Variants in FGF1 observed in about 807,000 individuals in gnomAD.
FGF1 encodes beta-endothelial cell growth factor.
A neutral mutation model predicts 13.4 loss-of-function variants in FGF1; 9 were observed. The ratio of observed to expected loss-of-function variants is 0.67; its 90% CI spans 0.40 to 1.17. The LOEUF (loss-of-function observed/expected upper bound fraction) is 1.17. Ranked by LOEUF, FGF1 falls within the 50% of genes most tolerant of loss-of-function variation. FGF1 has a pLI of 0.01. For synonymous variants in FGF1, 93 were observed against 79.0 expected (o/e 1.18, Z -0.94); for missense variants, 156 against 192.7 (o/e 0.81, Z 1.13).
At chr5:142,619,142 G>C (rs1238419170) in intron 1 of FGF1, among the ~76,000 whole-genome samples, 1 of 151,920 alleles carries the variant, frequency 6.6e-6, no homozygotes, top group Non-Finnish European at 1.5e-5. Context: ...CACCGTGTTA[G>C]CCAAGATGGT....
At position 142,636,597 on chromosome 5, in the gene FGF1, C is replaced by T. The variant is rs249924; in HGVS notation, c.-34-22436G>A. ...TGGGGAAGACCTTTCCCCATGCAAGCGATTTTGAATGAACTGAGTATTATA... is the reference window on the plus strand; with the variant it reads ...TGGGGAAGACCTTTCCCCATGCAAGTGATTTTGAATGAACTGAGTATTATA... On this transcript the variant is annotated intron_variant, in intron 1 of 3. Coordinates refer to ENST00000337706, the MANE Select transcript of FGF1 (RefSeq NM_000800.5). Among the ~76,000 whole-genome samples, 5 of 152,288 alleles carry T rather than the reference C, an allele frequency of 3.3e-5. No individual in the cohort carries two copies. The East Asian group carries it at 9.7e-4, about 29-fold the overall frequency.
At chr5:142,600,996 T>C in intron 2 of FGF1, 191 bp from the exon 3 acceptor site, 1 of 635,752 alleles carries the variant, frequency 1.6e-6, no homozygotes, top group Non-Finnish European at 2.9e-6. Context: ...AAGCTGTCCA[T>C]TGGGAATTAC....
intron 1 of FGF1, among the ~76,000 whole-genome samples, chr5:142,669,260 G>A (rs997371624): frequency 6.6e-6 from 1 of 152,206 alleles, no homozygotes; most frequent in Middle Eastern, 3.2e-3. Context: ...TTACTGGTAG[G>A]GGGCTGGGCA....
At chr5:142,689,689 T>C (rs1751829798), upstream of FGF1, among the ~76,000 whole-genome samples, 1 of 124,140 alleles carries the variant, frequency 8.1e-6, no homozygotes, top group African/African-American at 3.0e-5. Flanking sequence ...TTTTCCTCGA[T>C]CCTAGTTTTT....
intron 1 of FGF1, among the ~76,000 whole-genome samples, chr5:142,651,258 C>A (rs1018364742): frequency 2.0e-5 from 3 of 152,158 alleles, no homozygotes; most frequent in African/African-American, 4.8e-5. Flanking sequence ...GTGGGCAAGA[C>A]CCCTGGCTCT....
At chr5:142,680,875 C>G (rs973431428) in intron 1 of FGF1, 3 of 152,174 alleles carry the variant, frequency 2.0e-5, no homozygotes, top group Non-Finnish European at 4.4e-5. Flanking sequence ...AACAGAATTA[C>G]CTAGGCCCCA....
intron 2 of FGF1, among the ~76,000 whole-genome samples, chr5:142,602,391 G>T (rs970689272): frequency 2.6e-5 from 4 of 152,116 alleles, no homozygotes; most frequent in African/African-American, 7.2e-5. Flanking sequence ...TGGCCAGGCT[G>T]GTCTCGAATT....
intron 2 of FGF1, among the ~76,000 whole-genome samples, chr5:142,603,052 A>G (rs2151833020): frequency 6.6e-6 from 1 of 152,182 alleles, no homozygotes; most frequent in Admixed American, 6.5e-5. Context: ...GAAGCCACTG[A>G]TGCACTTTCT....
intron 1 of FGF1, among the ~76,000 whole-genome samples, chr5:142,646,048 A>G (rs1428029894): frequency 6.6e-6 from 1 of 151,976 alleles, no homozygotes; most frequent in Non-Finnish European, 1.5e-5. Flanking sequence ...AGCTGGGACT[A>G]CAGGCGCCTG....
chr5:142,600,415 A>G (rs1756252966), intron 3 of FGF1, among the ~76,000 whole-genome samples: 1 of 152,176 alleles, frequency 6.6e-6, no homozygotes. Flanking sequence ...GAATGAATGG[A>G]ATGGGATTAG....
intron 1 of FGF1, among the ~76,000 whole-genome samples, chr5:142,634,179 C>T (rs1055115383): frequency 6.6e-5 from 9 of 135,622 alleles, no homozygotes; most frequent in Non-Finnish European, 1.1e-4. Flanking sequence ...GGTGACAGAG[C>T]GAGACTCCAT....
intron 1 of FGF1, among the ~76,000 whole-genome samples, chr5:142,649,503 T>C (rs1766814269): frequency 6.6e-6 from 1 of 151,610 alleles, no homozygotes; most frequent in South Asian, 2.1e-4. Context: ...GCCTCCCGGG[T>C]TCACGCCATT....
intron 1 of FGF1, among the ~76,000 whole-genome samples, chr5:142,649,483 T>C (rs1276182223): frequency 1.3e-5 from 2 of 152,108 alleles, no homozygotes; most frequent in Admixed American, 6.5e-5. Context: ...CTCTGCTCAC[T>C]GCAAGCTCTG....
chr5:142,617,087 A>C (rs1760406461), intron 1 of FGF1, among the ~76,000 whole-genome samples: 1 of 152,232 alleles, frequency 6.6e-6, no homozygotes, highest in Admixed American at 6.5e-5. Context: ...CTTTCAGGCC[A>C]GGTGTGGTGG....
intron 1 of FGF1, among the ~76,000 whole-genome samples, chr5:142,670,047 G>A (rs144462804): frequency 3.9e-5 from 6 of 152,222 alleles, no homozygotes; most frequent in Admixed American, 2.0e-4. Flanking sequence ...CCGGAGCCTC[G>A]GGATTGATCT....
At chr5:142,663,685 A>G (rs373071008) in intron 1 of FGF1, among the ~76,000 whole-genome samples, 2 of 152,224 alleles carry the variant, frequency 1.3e-5, no homozygotes, top group African/African-American at 4.8e-5. Context: ...AAACTTGTCC[A>G]GTTGACTTTT....
intron 1 of FGF1, among the ~76,000 whole-genome samples, chr5:142,617,564 C>G (rs900090590): frequency 6.6e-6 from 1 of 152,064 alleles, no homozygotes; most frequent in African/African-American, 2.4e-5. Context: ...GCCTGATCCC[C>G]TCAGTGAGAG....
intron 2 of FGF1, among the ~76,000 whole-genome samples, chr5:142,694,154 T>A (rs1317996213): frequency 1.3e-5 from 2 of 151,958 alleles, no homozygotes; most frequent in Non-Finnish European, 2.9e-5. Context: ...TCTGCCTCTC[T>A]GTATATATGT....
intron 1 of FGF1, among the ~76,000 whole-genome samples, chr5:142,649,961 T>C (rs1766921630): frequency 6.6e-6 from 1 of 152,204 alleles, no homozygotes; most frequent in South Asian, 2.1e-4. Context: ...CATCTTGGCC[T>C]TTTGGCTAAG....
Sources: gnomAD v4.1 joint callset for allele counts (sites outside exome capture counted in the v4.1 genomes callset) on GRCh38, gnomAD v4.1.1 for gene constraint, MANE v1.5 for transcripts, NCBI Gene and HGNC (gene_info 2026-07-23, HGNC 2026-07-21) for gene names.